CTNNA2: variants seen among roughly 807,000 people sequenced by gnomAD.
CTNNA2 encodes the protein catenin alpha 2, also known as catenin alpha-2.
Under a neutral mutation model 101.0 loss-of-function variants are expected in CTNNA2, and 42 were observed. The ratio of observed to expected loss-of-function variants is 0.42; its 90% CI spans 0.32 to 0.54. CTNNA2 has a LOEUF of 0.54. Among genes scored for constraint, CTNNA2 ranks in the 20% least tolerant of loss-of-function variants. The probability of loss-of-function intolerance (pLI) is 0.14; values close to 1 mark genes in which losing one functional copy is unlikely to be tolerated. For missense variants in CTNNA2, 871 were observed against 1,223.1 expected (o/e 0.71, Z 4.29); for synonymous variants, 450 against 456.4 (o/e 0.99, Z 0.18).
Position 80,234,857 on chromosome 2 carries a change from T to C in CTNNA2, c.1057-158354T>C, listed in dbSNP as rs148930342. On this transcript the variant is annotated intron_variant, in intron 7 of 18. Coordinates refer to ENST00000402739, the MANE Select transcript of CTNNA2 (RefSeq NM_001282597.3). ...TGCTAGCTTGTAAATATTTTTAGTT[T>C]TGTAGGCCAGTTTCAGTCACAACTA... Among the ~76,000 whole-genome samples, 1,487 of 152,224 alleles carry C rather than the reference T, an allele frequency of 9.8e-3. 28 individuals are homozygous for C. Among genetic ancestry groups the C allele is most frequent in the African/African-American group, 0.034 (1,396 of 41,516 alleles).
At chr2:79,189,668 G>A (rs1478953315) in intron 1 of CTNNA2, among the ~76,000 whole-genome samples, 2 of 152,158 alleles carry the variant, frequency 1.3e-5, no homozygotes, top group South Asian at 2.1e-4. Context: ...CAAAGGAAAA[G>A]TAAACTTTCT....
intron 1 of CTNNA2, among the ~76,000 whole-genome samples, chr2:79,595,564 T>C (rs1004713067): frequency 1.3e-5 from 2 of 152,154 alleles, no homozygotes; most frequent in African/African-American, 4.8e-5. Context: ...GAAAACCAGG[T>C]AGTTATCTTA....
chr2:79,673,567 A>G (rs1319001233), intron 2 of CTNNA2, among the ~76,000 whole-genome samples: 1 of 152,226 alleles, frequency 6.6e-6, no homozygotes, highest in East Asian at 1.9e-4. Flanking sequence ...AATACAAAAT[A>G]AGGAAACATT....
At chr2:79,997,182 C>T (rs537736966) in intron 7 of CTNNA2, among the ~76,000 whole-genome samples, 1 of 152,150 alleles carries the variant, frequency 6.6e-6, no homozygotes, top group Non-Finnish European at 1.5e-5. Flanking sequence ...ACCACACTGC[C>T]TCCTAAACAG....
chr2:79,436,400 C>T (rs1014765113), intron 4 of CTNNA2, among the ~76,000 whole-genome samples: 13 of 152,108 alleles, frequency 8.5e-5, no homozygotes, highest in African/African-American at 2.2e-4. Context: ...TGGCTGACTT[C>T]GCTTGGCTAA....
At chr2:79,562,522 C>T (rs1674843605) in intron 1 of CTNNA2, among the ~76,000 whole-genome samples, 1 of 151,850 alleles carries the variant, frequency 6.6e-6, no homozygotes, top group Non-Finnish European at 1.5e-5. Flanking sequence ...AGGAAAAGTG[C>T]CTAGCTGCCT....
chr2:79,414,983 G>T (rs1310029728), intron 4 of CTNNA2, among the ~76,000 whole-genome samples: 1 of 152,096 alleles, frequency 6.6e-6, no homozygotes, highest in Non-Finnish European at 1.5e-5. Context: ...ACCAAGTTTT[G>T]GGGCAGTTTG....
chr2:80,431,946 G>A (rs1681566449), intron 9 of CTNNA2, among the ~76,000 whole-genome samples: 2 of 151,912 alleles, frequency 1.3e-5, no homozygotes, highest in South Asian at 4.2e-4. Context: ...GTGCCTGTTG[G>A]TAAAAGCCAG....
At chr2:79,552,409 GGCACATGGT>G (rs1433329605) in intron 1 of CTNNA2, among the ~76,000 whole-genome samples, 1 of 152,114 alleles carries the variant, frequency 6.6e-6, no homozygotes, top group Non-Finnish European at 1.5e-5. Context: ...AGCTATTCCA[GGCACATGGT>G]GCAAGCTGTC....
chr2:79,787,003 G>A (rs538839043), intron 3 of CTNNA2, among the ~76,000 whole-genome samples: 8 of 151,818 alleles, frequency 5.3e-5, no homozygotes, highest in Non-Finnish European at 1.2e-4. Flanking sequence ...TCCATGCCTT[G>A]GCATTATCTC....
chr2:79,969,863 T>G (rs1382661113), intron 7 of CTNNA2, among the ~76,000 whole-genome samples: 1 of 152,232 alleles, frequency 6.6e-6, no homozygotes, highest in Admixed American at 6.5e-5. Flanking sequence ...TTCTAAGATA[T>G]ATTCCATGCC....
At chr2:80,638,193 ATTAT>A (rs2149846573) in intron 18 of CTNNA2, among the ~76,000 whole-genome samples, 1 of 152,304 alleles carries the variant, frequency 6.6e-6, no homozygotes, top group East Asian at 1.9e-4. Context: ...TCCTTGCATA[ATTAT>A]TTATGAGACA....
chr2:80,091,979 C>A (rs773185239), intron 7 of CTNNA2, among the ~76,000 whole-genome samples: 15 of 152,026 alleles, frequency 9.9e-5, no homozygotes, highest in Non-Finnish European at 1.9e-4. Flanking sequence ...TTTGTTTTCT[C>A]TTTTTATTAG....
At chr2:79,313,296 C>T (rs536966088) in intron 3 of CTNNA2, among the ~76,000 whole-genome samples, 1 of 152,290 alleles carries the variant, frequency 6.6e-6, no homozygotes, top group South Asian at 2.1e-4. Flanking sequence ...AGTCTGGTCA[C>T]ATACCACCAT....
intron 8 of CTNNA2, among the ~76,000 whole-genome samples, chr2:80,400,944 G>T (rs1162738893): frequency 6.6e-6 from 1 of 152,096 alleles, no homozygotes; most frequent in Non-Finnish European, 1.5e-5. Flanking sequence ...TTCTGCCTTT[G>T]CACTTGTGTT....
chr2:80,098,150 G>T (rs1700282877), intron 7 of CTNNA2, among the ~76,000 whole-genome samples: 1 of 152,052 alleles, frequency 6.6e-6, no homozygotes, highest in South Asian at 2.1e-4. Context: ...TCTACCTTTG[G>T]TCTTTGATGA....
chr2:79,609,544 G>T (rs768953048), intron 1 of CTNNA2, among the ~76,000 whole-genome samples: 31 of 152,036 alleles, frequency 2.0e-4, no homozygotes, highest in Non-Finnish European at 3.7e-4. Context: ...TGTGACTCAA[G>T]ACTTACTATA....
intron 9 of CTNNA2, among the ~76,000 whole-genome samples, chr2:80,537,399 C>T (rs973472899): frequency 6.6e-6 from 1 of 152,050 alleles, no homozygotes; most frequent in Non-Finnish European, 1.5e-5. Flanking sequence ...GTGCATGTGT[C>T]TTTATAGTAG....
At chr2:79,958,264 T>C (rs1162449837) in intron 7 of CTNNA2, among the ~76,000 whole-genome samples, 1 of 152,190 alleles carries the variant, frequency 6.6e-6, no homozygotes, top group Non-Finnish European at 1.5e-5. Flanking sequence ...CCCAAAGATG[T>C]CCATGCCCTA....
Sources: allele counts gnomAD v4.1 joint callset (sites outside exome capture counted in the v4.1 genomes callset), GRCh38; gene constraint gnomAD v4.1.1; transcripts MANE v1.5; gene names NCBI Gene and HGNC (gene_info 2026-07-23, HGNC 2026-07-21).